The following ITGA11 variants were observed in gnomAD, a reference collection of about 807,000 sequenced individuals.
The protein encoded by ITGA11 is integrin alpha-11.
A neutral mutation model predicts 141.9 loss-of-function variants in ITGA11; 97 were observed. That is an observed-to-expected ratio of 0.68 (90% confidence interval 0.58 to 0.81). The LOEUF (loss-of-function observed/expected upper bound fraction) is 0.81, where lower values mean the gene tolerates loss of function less well. Among genes scored for constraint, ITGA11 ranks in the 30% least tolerant of loss-of-function variants. ITGA11 has a pLI of 0.00. For missense variants in ITGA11, 1,387 were observed against 1,559.2 expected, an observed-to-expected ratio of 0.89 and a Z score of 1.86; for synonymous variants, 658 against 624.6, an observed-to-expected ratio of 1.05 and a Z score of -0.80.
At chr15:68,404,798 C>T (rs768748210) in intron 1 of ITGA11, among the ~76,000 whole-genome samples, 3 of 152,164 alleles carry the variant, frequency 2.0e-5, no homozygotes, top group Non-Finnish European at 2.9e-5. Context: ...GATCTTGCCA[C>T]GAGCCAAAAC....
intron 7 of ITGA11, among the ~76,000 whole-genome samples, chr15:68,353,716 C>T (rs1413767478): frequency 6.6e-6 from 1 of 152,094 alleles, no homozygotes; most frequent in Non-Finnish European, 1.5e-5. Context: ...GAGCTTTATA[C>T]TCATAACAGG....
At position 68,327,821 on chromosome 15, in the gene ITGA11, C is replaced by G. The variant is rs182564970; in HGVS notation, c.2068+275G>C. 3.3e-4 allele frequency among the ~76,000 whole-genome samples: 50 copies of G among 152,312 alleles called. No individual in the cohort carries two copies. In the East Asian group the frequency reaches 8.9e-3, roughly 27 times the overall value. On this transcript the variant is annotated intron_variant, in intron 16 of 29. Transcript: ENST00000315757. ...TTTCTCCACTGGCATCAGTCCTGTG[C>G]TCTGATCCAAACTCTACGCCCAGAC...
At position 68,306,905 on chromosome 15, in the gene ITGA11, C is replaced by A. The variant is rs147491725; in HGVS notation, c.3381+443G>T. Among the ~76,000 whole-genome samples the A allele has an allele frequency of 1.2e-3, 180 of 152,338 alleles. 2 individuals carry two copies. Among genetic ancestry groups the A allele is most frequent in the African/African-American group, 4.2e-3 (175 of 41,580 alleles). On this transcript the variant is annotated intron_variant, in intron 28 of 29. Coordinates refer to ENST00000315757, the MANE Select transcript of ITGA11 (RefSeq NM_001004439.2). Reference sequence around the variant, plus strand: ...CACAGGACTGGGCTTTGCTTGCTTGCTTTCTTTTACAAATTTATTTCTTTT... The same window carrying A: ...CACAGGACTGGGCTTTGCTTGCTTGATTTCTTTTACAAATTTATTTCTTTT...
Position 68,385,913 on chromosome 15 carries a change from C to T in ITGA11, c.165-16629G>A, listed in dbSNP as rs182560983. ...AGGCCTGGGGAGGAGCTGCAGCTGA[C>T]GGAGCAGCCCTAAAGGCCAACCCCA... On this transcript the variant is annotated intron_variant, in intron 2 of 29. Coordinates refer to ENST00000315757, the MANE Select transcript of ITGA11 (RefSeq NM_001004439.2). Among the ~76,000 whole-genome samples the T allele has an allele frequency of 9.2e-5, 14 of 152,224 alleles. No homozygotes were observed. The East Asian group carries it at 1.6e-3, about 17-fold the overall frequency.
At chr15:68,310,357 C>A (rs1326481935) in intron 26 of ITGA11, among the ~76,000 whole-genome samples, 1 of 152,182 alleles carries the variant, frequency 6.6e-6, no homozygotes, top group African/African-American at 2.4e-5. Context: ...AAGCCCACTA[C>A]CCTCAGTAAG....
chr15:68,386,237 C>A (rs1407446409), intron 2 of ITGA11, among the ~76,000 whole-genome samples: 2 of 152,172 alleles, frequency 1.3e-5, no homozygotes, highest in Non-Finnish European at 2.9e-5. Flanking sequence ...CTGTGTCATG[C>A]CAAGCTTTGG....
In ITGA11 at chr15:68,299,106, A is replaced by G. The variant is rs1347211333; in HGVS notation, c.*3953T>C. 1.3e-5 allele frequency: 2 copies of G among 152,238 alleles called. No homozygotes were observed. The highest frequency in any genetic ancestry group is 4.8e-5 in the African/African-American group (2 of 41,450). The allele number at this position is 152,238 out of a possible 1,614,324, so 9.4% of individuals were successfully genotyped here. A position where few individuals can be genotyped will look rare whatever the true frequency, so the allele number is the denominator to read the frequency against. On this transcript the variant is annotated 3_prime_UTR_variant, in exon 30 of 30. Transcript: ENST00000315757. The stretch of plus-strand genomic sequence containing the variant: ...CAAGGATAGTGCCCATCCTTTAAAA[A>G]TAACTTTCTGCTTGTACTCTACTTT...
intron 1 of ITGA11, among the ~76,000 whole-genome samples, chr15:68,418,754 G>A (rs574511330): frequency 6.6e-6 from 1 of 151,868 alleles, no homozygotes; most frequent in Admixed American, 6.6e-5. Context: ...TCCCTTTCCT[G>A]GCATACTGAC....
intron 2 of ITGA11, among the ~76,000 whole-genome samples, chr15:68,377,701 T>C (rs1002979537): frequency 3.3e-5 from 5 of 152,240 alleles, no homozygotes; most frequent in Non-Finnish European, 7.3e-5. Flanking sequence ...ACTCTACATA[T>C]GTGGTTGTGT....
intron 2 of ITGA11, among the ~76,000 whole-genome samples, chr15:68,394,527 A>C (rs554647476): frequency 6.6e-6 from 1 of 152,184 alleles, no homozygotes; most frequent in East Asian, 1.9e-4. Context: ...TCAACAATTT[A>C]AGTAAGAAGC....
At chr15:68,318,729 G>T (rs182222933) in intron 20 of ITGA11, among the ~76,000 whole-genome samples, 1 of 152,028 alleles carries the variant, frequency 6.6e-6, no homozygotes, top group Non-Finnish European at 1.5e-5. Context: ...GGCAAGCAAG[G>T]GGGGGGCACT....
At chr15:68,368,942 C>A (rs1432514607) in intron 3 of ITGA11, among the ~76,000 whole-genome samples, 1 of 141,594 alleles carries the variant, frequency 7.1e-6, no homozygotes, top group African/African-American at 2.6e-5. Context: ...TGGCCTGGGA[C>A]AGCTAGGGCC....
At chr15:68,357,664 A>G (rs1045010208) in intron 6 of ITGA11, among the ~76,000 whole-genome samples, 31 of 135,472 alleles carry the variant, frequency 2.3e-4, no homozygotes, top group African/African-American at 9.4e-4. Flanking sequence ...ACCAAACTCC[A>G]AAACTGAGGT....
Position 68,302,840 on chromosome 15 carries a change from G to T in ITGA11, c.*219C>A. 1.8e-6 allele frequency: 1 copy of T among 564,802 alleles called. No individual in the cohort carries two copies. Among genetic ancestry groups the T allele is most frequent in the South Asian group, 2.4e-5 (1 of 42,342 alleles). 35.0% of individuals were successfully genotyped at this position (564,802 alleles called of 1,614,324 possible). A position where few individuals can be genotyped will look rare whatever the true frequency, so the allele number is the denominator to read the frequency against. Reference sequence around the variant, plus strand: ...TGTCCCTTTAAATCCCTAGGGGTCTGTGTTAAAGGTGTCCCAGTCTCCCAG... The same window carrying T: ...TGTCCCTTTAAATCCCTAGGGGTCTTTGTTAAAGGTGTCCCAGTCTCCCAG... On this transcript the variant is annotated 3_prime_UTR_variant, in exon 30 of 30. Coordinates refer to ENST00000315757, the MANE Select transcript of ITGA11 (RefSeq NM_001004439.2).
At chr15:68,306,041 T>C (rs900495387) in intron 28 of ITGA11, among the ~76,000 whole-genome samples, 1 of 117,524 alleles carries the variant, frequency 8.5e-6, no homozygotes, top group Non-Finnish European at 1.9e-5. Context: ...AAAAAAAAAA[T>C]TAGCCAGGCG....
chr15:68,346,707 C>A (rs1387527940), intron 10 of ITGA11, among the ~76,000 whole-genome samples: 2 of 152,222 alleles, frequency 1.3e-5, no homozygotes, highest in African/African-American at 2.4e-5. Context: ...TGCTTACTGC[C>A]ACCCAGGACT....
intron 15 of ITGA11, among the ~76,000 whole-genome samples, chr15:68,330,009 T>A (rs7179228): frequency 8.5e-5 from 13 of 152,234 alleles, no homozygotes; most frequent in Admixed American, 7.8e-4. Context: ...TACGCCACAC[T>A]GGAAATGCTG....
In ITGA11 at chr15:68,369,258, G is replaced by A. The variant is rs781506557; in HGVS notation, c.191C>T (p.Thr64Ile). Residue 64 changes from threonine (T) to isoleucine (I), a missense_variant, in exon 3 of 30, where the codon ACC becomes ATC. Physicochemically the swap from Thr to Ile is moderately conservative, Grantham distance 89 (BLOSUM62 -1). Coordinates refer to ENST00000315757, the MANE Select transcript of ITGA11 (RefSeq NM_001004439.2). ...KWLVVGAPLE[T>I]NGYQKTGDVY... The stretch of plus-strand genomic sequence containing the variant: ...GTCTCCCGTCTTCTGGTAGCCATTG[G>A]TTTCCAGTGGGGCGCCCACGACCAG... 1 of 1,613,910 alleles carries A rather than the reference G, an allele frequency of 6.2e-7. No homozygotes were observed. The highest frequency in any genetic ancestry group is 1.1e-5 in the South Asian group (1 of 91,076).
intron 1 of ITGA11, among the ~76,000 whole-genome samples, chr15:68,417,761 G>A (rs1896921218): frequency 6.6e-6 from 1 of 152,186 alleles, no homozygotes; most frequent in South Asian, 2.1e-4. Context: ...AGTCCCCTTT[G>A]TCTGGAACAT....
Sources: allele counts gnomAD v4.1 joint callset (sites outside exome capture counted in the v4.1 genomes callset), GRCh38; gene constraint gnomAD v4.1.1; transcripts MANE v1.5; gene names NCBI Gene and HGNC (gene_info 2026-07-23, HGNC 2026-07-21).